The following SLC12A6 variants were observed in gnomAD, a reference collection of about 807,000 sequenced individuals.
SLC12A6 encodes solute carrier family 12 member 6, also known as K-Cl cotransporter 3.
In SLC12A6, 66 loss-of-function variants were observed where a neutral mutation model predicts 135.3. That is an observed-to-expected ratio of 0.49 (90% CI 0.40 to 0.60). The LOEUF is 0.60. Among genes scored for constraint, SLC12A6 ranks in the 20% least tolerant of loss-of-function variants. The pLI is 0.00. For synonymous variants in SLC12A6, 513 were observed against 508.8 expected (o/e 1.01, Z -0.11); for missense variants, 1,058 against 1,452.3 (o/e 0.73, Z 4.41).
At chr15:34,271,493 A>G (rs536002758) in intron 3 of SLC12A6, among the ~76,000 whole-genome samples, 8 of 152,188 alleles carry the variant, frequency 5.3e-5, no homozygotes, top group Admixed American at 2.6e-4. Flanking sequence ...GACTGACTGC[A>G]GAAGACTCGA....
chr15:34,320,902 C>A (rs912261233), intron 2 of SLC12A6, among the ~76,000 whole-genome samples: 1 of 149,590 alleles, frequency 6.7e-6, no homozygotes, highest in African/African-American at 2.5e-5. Context: ...GAGCAAGACT[C>A]GTCTCAAAAA....
chr15:34,243,914 C>T, intron 16 of SLC12A6, 60 bp downstream of exon 16: 3 of 1,013,742 alleles, frequency 3.0e-6, no homozygotes, highest in South Asian at 2.5e-5. Flanking sequence ...TCCTAGTTTT[C>T]TAGTTCAAAG....
chr15:34,325,324 A>G (rs961746559), intron 2 of SLC12A6, among the ~76,000 whole-genome samples: 4 of 152,230 alleles, frequency 2.6e-5, no homozygotes, highest in African/African-American at 9.6e-5. Context: ...AAAGATCACA[A>G]ATTCTAAATT....
rs1891585076 is a variant in SLC12A6, at chr15:34,240,737, T to C, written c.2360A>G (p.Lys787Arg). 5.0e-6 allele frequency: 8 copies of C among 1,614,086 alleles called. No homozygotes were observed. The East Asian group carries it at 8.9e-5, about 18-fold the overall frequency. Reference sequence around the variant, plus strand: ...GACAGAGCCCACAATAGTGAGACCTTTTCCTGCTTTGAGCTGTGAGGCAAA... The same window carrying C: ...GACAGAGCCCACAATAGTGAGACCTCTTCCTGCTTTGAGCTGTGAGGCAAA... ...LTFASQLKAG[K>R]GLTIVGSVIV... The change falls in exon 19 of 26, where the codon AAA becomes AGA. Residue 787 changes from lysine to arginine, a missense_variant. Physicochemically the swap from Lys to Arg is conservative, Grantham distance 26. Transcript: ENST00000354181.
intron 3 of SLC12A6, among the ~76,000 whole-genome samples, chr15:34,266,097 A>T (rs747851934): frequency 9.1e-4 from 138 of 151,224 alleles, no homozygotes; most frequent in Non-Finnish European, 1.6e-3. Context: ...TGGTCCAAGC[A>T]TATCAATAAA....
Position 34,307,650 on chromosome 15 carries a change from A to T in SLC12A6, c.271+28760T>A, listed in dbSNP as rs565439453. Among the ~76,000 whole-genome samples, 247 of 152,326 alleles carry T rather than the reference A, an allele frequency of 1.6e-3. 1 individual carries two copies. The highest frequency in any genetic ancestry group is 2.4e-3 in the Non-Finnish European group (161 of 68,030). ...ATGATATAATCAAAGTTGGAGTAGA[A>T]GATTAGGAAAGTCATCTTGGAGGAA... On this transcript the variant is annotated intron_variant, in intron 2 of 25. Transcript: ENST00000354181.
chr15:34,241,135 C>T, intron 18 of SLC12A6, 98 bp downstream of exon 18: 1 of 751,882 alleles, frequency 1.3e-6, no homozygotes, highest in South Asian at 1.5e-5. Context: ...TATACCAATT[C>T]CTTGAGCCAC....
At chr15:34,241,590 T>C (rs1455352087) in intron 17 of SLC12A6, among the ~76,000 whole-genome samples, 1 of 152,238 alleles carries the variant, frequency 6.6e-6, no homozygotes, top group Non-Finnish European at 1.5e-5. Context: ...TCCTTCTATG[T>C]AATTGTTCAA....
In SLC12A6 at chr15:34,261,033, A is replaced by G; in HGVS notation, c.317-13T>C. 1 of 1,336,014 alleles carries G rather than the reference A, an allele frequency of 7.5e-7. No homozygotes were observed. The highest frequency in any genetic ancestry group is 1.1e-6 in the Non-Finnish European group (1 of 926,500). The allele number at this position is 1,336,014 out of a possible 1,614,324, so 82.8% of individuals were successfully genotyped here. A position where few individuals can be genotyped will look rare whatever the true frequency, so the allele number is the denominator to read the frequency against. On this transcript the variant is annotated splice_polypyrimidine_tract_variant and intron_variant, in intron 3 of 25. Coordinates refer to ENST00000354181, the MANE Select transcript of SLC12A6 (RefSeq NM_001365088.1). ...TTATGTCCGTCGTCTGGAAAAAAAA[A>G]AGTAGACCAAGTTAGTTTCTCACTG...
At chr15:34,318,896 A>G in intron 2 of SLC12A6, 1 of 1,214,196 alleles carries the variant, frequency 8.2e-7, no homozygotes, top group Non-Finnish European at 1.1e-6. Flanking sequence ...TCATTCACTT[A>G]AAAGGATTAA....
At chr15:34,257,597 A>C in intron 6 of SLC12A6, 45 bp downstream of exon 6, 3 of 1,545,422 alleles carry the variant, frequency 1.9e-6, no homozygotes, top group Non-Finnish European at 2.7e-6. Flanking sequence ...GCTCTTGAGA[A>C]CTTGCAACGT....
intron 2 of SLC12A6, among the ~76,000 whole-genome samples, chr15:34,330,106 A>G (rs1889736993): frequency 6.6e-6 from 1 of 152,124 alleles, no homozygotes; most frequent in Non-Finnish European, 1.5e-5. Context: ...ACTCGTCTCA[A>G]AAGTATCTTT....
In SLC12A6 at chr15:34,255,412, G is replaced by A. The variant is rs770035421; in HGVS notation, c.746-20C>T. 1.3e-6 allele frequency: 2 copies of A among 1,577,302 alleles called. No individual in the cohort carries two copies. The highest frequency in any genetic ancestry group is 1.7e-6 in the Non-Finnish European group (2 of 1,146,670). ...CCCCAGCTAAAAGACAAAACAGAAG[G>A]TGAATAGAAGAAAGAGTGTGTATTA... On this transcript the variant is annotated intron_variant, in intron 7 of 25. Transcript: ENST00000354181.
intron 18 of SLC12A6, 61 bp downstream of exon 18, chr15:34,241,172 C>A: frequency 1.1e-6 from 1 of 911,578 alleles, no homozygotes; most frequent in South Asian, 1.3e-5. Context: ...CTAAAATCAA[C>A]AAAACACATA....
intron 2 of SLC12A6, among the ~76,000 whole-genome samples, chr15:34,310,005 CT>C (rs879478639): frequency 1.8e-3 from 264 of 143,678 alleles, no homozygotes; most frequent in Non-Finnish European, 1.9e-3. Flanking sequence ...AAGAGATAAT[CT>C]TTTTTTTTTT....
rs745733773 is a variant in SLC12A6, at chr15:34,275,406, TGAAAA to T, written c.272-22_272-18del. On this transcript the variant is annotated intron_variant, in intron 2 of 25. Coordinates refer to ENST00000354181, the MANE Select transcript of SLC12A6 (RefSeq NM_001365088.1). ...GACTCAGGTCTGAAAAACAAACAAT[TGAAAA>T]GAAAAGAAAAAAATGAATGATCAAA... 2 of 1,444,144 alleles carry T rather than the reference TGAAAA, an allele frequency of 1.4e-6. No homozygotes were observed. The highest frequency in any genetic ancestry group is 3.4e-5 in the Admixed American group (2 of 59,494). 89.5% of individuals were successfully genotyped at this position (1,444,144 alleles called of 1,614,324 possible).
chr15:34,317,018 G>T (rs1888698151), intron 2 of SLC12A6, among the ~76,000 whole-genome samples: 2 of 152,256 alleles, frequency 1.3e-5, no homozygotes, highest in African/African-American at 2.4e-5. Flanking sequence ...TCACATTTGG[G>T]ATTAAGTAAA....
At chr15:34,283,097 C>T (rs544703240) in intron 2 of SLC12A6, among the ~76,000 whole-genome samples, 29 of 152,164 alleles carry the variant, frequency 1.9e-4, no homozygotes, top group Non-Finnish European at 3.7e-4. Flanking sequence ...AATCCCAGCA[C>T]TTTGGGAGGC....
At chr15:34,323,616 C>T (rs1408662618) in intron 2 of SLC12A6, among the ~76,000 whole-genome samples, 1 of 152,172 alleles carries the variant, frequency 6.6e-6, no homozygotes, top group Non-Finnish European at 1.5e-5. Context: ...TTCCATGAAA[C>T]CAGCCTCTGG....
Sources: gnomAD v4.1 joint callset for allele counts (sites outside exome capture counted in the v4.1 genomes callset) on GRCh38, gnomAD v4.1.1 for gene constraint, MANE v1.5 for transcripts, NCBI Gene and HGNC (gene_info 2026-07-23, HGNC 2026-07-21) for gene names.